BOD1L1: variants seen among roughly 807,000 people sequenced by gnomAD.
BOD1L1 encodes biorientation of chromosomes in cell division protein 1-like 1.
BOD1L1 carries 86 observed loss-of-function variants against 240.7 expected under a neutral mutation model. The ratio of observed to expected loss-of-function variants is 0.36; its 90% CI spans 0.30 to 0.43. The LOEUF is 0.43. Among genes scored for constraint, BOD1L1 ranks in the 20% least tolerant of loss-of-function variants. The pLI is 1.00. For synonymous variants in BOD1L1, 1,268 were observed against 1,272.3 expected, an observed-to-expected ratio of 1.00 and a Z score of 0.07; for missense variants, 3,554 against 3,643.5, an observed-to-expected ratio of 0.98 and a Z score of 0.63.
At chr4:13,588,608 A>T in intron 15 of BOD1L1, 114 bp downstream of exon 15, 1 of 777,528 alleles carries the variant, frequency 1.3e-6, no homozygotes, top group Non-Finnish European at 2.0e-6. Flanking sequence ...CTCTCAGTAT[A>T]CCCATTTAAT....
intron 1 of BOD1L1, chr4:13,625,133 T>C (rs1011766227): frequency 5.3e-5 from 8 of 152,228 alleles, no homozygotes; most frequent in Non-Finnish European, 1.2e-4. Context: ...AGAAACCTTG[T>C]TCATATAAAC....
chr4:13,604,887 A>C lies in BOD1L1; in HGVS notation c.2013T>G (p.Thr671=). 6.2e-7 allele frequency: 1 copy of C among 1,612,704 alleles called. No homozygotes were observed. Among genetic ancestry groups the C allele is most frequent in the Non-Finnish European group, 8.5e-7 (1 of 1,179,576 alleles). The change falls in exon 10 of 26, where the codon ACT becomes ACG. Residue 671 remains threonine, a synonymous_variant. Transcript: ENST00000040738. ...CTTGCCTTTTTACATCTCTTGTGTC[A>C]GTCTCTTCCTGTACCCCCTCCATGA... ...PVIMEGVQEE[T]DTRDVKRQVE...
At position 13,608,604 on chromosome 4, in the gene BOD1L1, A is replaced by G; in HGVS notation, c.1668T>C (p.Ile556=). Residue 556 remains isoleucine (I), a synonymous_variant, in exon 8 of 26, where the codon ATT becomes ATC. Coordinates refer to ENST00000040738, the MANE Select transcript of BOD1L1 (RefSeq NM_148894.3). ...TKSLEPKAAR[I]KEVLKERKVL... ...CTTTCCGTTCTTTAAGGACTTCTTT[A>G]ATTCTGGCGGCTTTAGGTTCCAAAC... The G allele has an allele frequency of 6.4e-7, 1 of 1,560,602 alleles. No homozygotes were observed. The highest frequency in any genetic ancestry group is 8.7e-7 in the Non-Finnish European group (1 of 1,154,074).
Position 13,600,040 on chromosome 4 carries a change from A to G in BOD1L1, c.6860T>C (p.Met2287Thr), listed in dbSNP as rs1714978341. Residue 2287 changes from methionine to threonine, a missense_variant, in exon 10 of 26, where the codon ATG becomes ACG. By Grantham distance (81) the Met-to-Thr change is moderately conservative (BLOSUM62 -1). This residue lies in a region of BOD1L1 where 3,393 missense variants were observed against 3,427.1 expected (regional missense o/e 0.99). Coordinates refer to ENST00000040738, the MANE Select transcript of BOD1L1 (RefSeq NM_148894.3). ...TGTGGAAATCATGGCGGTGTCACCC[A>G]TCTCTTCCGCTGGTGTGACTGAGGG... Reference protein sequence around the residue: ...GDPSVTPAEEMGDTAMISTST... With the variant: ...GDPSVTPAEETGDTAMISTST... The G allele has an allele frequency of 6.2e-7, 1 of 1,609,966 alleles. No homozygotes were observed. Among genetic ancestry groups the G allele is most frequent in the African/African-American group, 1.3e-5 (1 of 74,788 alleles).
chr4:13,622,116 C>T (rs556089271), intron 1 of BOD1L1, among the ~76,000 whole-genome samples: 3 of 152,190 alleles, frequency 2.0e-5, no homozygotes, highest in African/African-American at 4.8e-5. Context: ...CCACCTTTCT[C>T]GGCCTCCCAA....
rs142241899 is a variant in BOD1L1, at chr4:13,599,127, A to G, written c.7773T>C (p.Ser2591=). 5 of 1,613,702 alleles carry G rather than the reference A, an allele frequency of 3.1e-6. No individual in the cohort carries two copies. In the African/African-American group the frequency reaches 6.7e-5, roughly 22 times the overall value. The change falls in exon 10 of 26, where the codon AGT becomes AGC. Residue 2591 remains serine (S), a synonymous_variant. Transcript: ENST00000040738. ...CACATTTAGGAGCCAACAGAGCTAC[A>G]CTGTAAGTAGCTGGAGGGATCATTG... ...SHTMIPPATY[S]VALLAPKCEQ...
chr4:13,579,794 A>C, intron 22 of BOD1L1, 134 bp downstream of exon 22: 1 of 648,340 alleles, frequency 1.5e-6, no homozygotes, highest in Non-Finnish European at 2.7e-6. Flanking sequence ...TCCCAGATAC[A>C]AGGACAATTA....
rs565946954 is a variant in BOD1L1, at chr4:13,602,310, T to C, written c.4590A>G (p.Leu1530=). The C allele has an allele frequency of 2.5e-6, 4 of 1,614,010 alleles. No individual in the cohort carries two copies. The East Asian group carries it at 6.7e-5, about 27-fold the overall frequency. Reference sequence around the variant, plus strand: ...TGGCAGGCCCAGCCTTCACTGGACTTAAGGTGACATCTTTGTCCTTCCCTT... The same window carrying C: ...TGGCAGGCCCAGCCTTCACTGGACTCAAGGTGACATCTTTGTCCTTCCCTT... ...STEGKDKDVT[L]SPVKAGPATT... is the part of the protein sequence containing the mutation. Residue 1530 remains leucine (L), a synonymous_variant, in exon 10 of 26, where the codon TTA becomes TTG. Transcript: ENST00000040738.
At position 13,570,054 on chromosome 4, in the gene BOD1L1, T is replaced by G; in HGVS notation, c.9113A>C (p.Gln3038Pro). The G allele has an allele frequency of 6.2e-7, 1 of 1,606,952 alleles. No individual in the cohort carries two copies. Among genetic ancestry groups the G allele is most frequent in the Non-Finnish European group, 8.5e-7 (1 of 1,177,052 alleles). Residue 3038 changes from glutamine (Q) to proline (P), a missense_variant, in exon 26 of 26, where the codon CAG (glutamine) becomes CCG (proline). Gln to Pro is a moderately conservative substitution (Grantham distance 76). This residue lies in a region of BOD1L1 where 3,393 missense variants were observed against 3,427.1 expected (regional missense o/e 0.99). Coordinates refer to ENST00000040738, the MANE Select transcript of BOD1L1 (RefSeq NM_148894.3). Reference sequence around the variant, plus strand: ...CACAGGGGCTTCCTCCACCCTTTGCTGGCCTCTTGTTCGGGCCCCAGGAGG... The same window carrying G: ...CACAGGGGCTTCCTCCACCCTTTGCGGGCCTCTTGTTCGGGCCCCAGGAGG... ...VSPPGARTRG[Q>P]QRVEEAPVKK...
rs115880657 is a variant in BOD1L1 at position 13,593,737 on chromosome 4, G to A, written c.8105-1771C>T. On this transcript the variant is annotated intron_variant, in intron 12 of 25. Transcript: ENST00000040738. ...AGTCATTTCCATGTTGATTTCCCTAGTACTCACAGGTAGCAGACTTGATGT... is the reference window on the plus strand; with the variant it reads ...AGTCATTTCCATGTTGATTTCCCTAATACTCACAGGTAGCAGACTTGATGT... Among the ~76,000 whole-genome samples, 703 of 152,166 alleles carry A rather than the reference G, an allele frequency of 4.6e-3. 6 individuals carry two copies. The highest frequency in any genetic ancestry group is 0.016 in the African/African-American group (665 of 41,508).
At chr4:13,609,989 C>G (rs1414821982) in intron 6 of BOD1L1, among the ~76,000 whole-genome samples, 1 of 152,122 alleles carries the variant, frequency 6.6e-6, no homozygotes, top group African/African-American at 2.4e-5. Context: ...AAATCCTAAG[C>G]AGGTGCATAA....
Position 13,613,439 on chromosome 4 carries a change from G to T in BOD1L1, c.1324+73C>A. ...GCTACTATACCACACTGTTTCTCAG[G>T]ATATAGCCATCAGAATATACAAATA... On this transcript the variant is annotated intron_variant, in intron 5 of 25. Coordinates refer to ENST00000040738, the MANE Select transcript of BOD1L1 (RefSeq NM_148894.3). The surrounding 1 kb of genome is among the most constrained non-coding windows in gnomAD (Gnocchi z 4.0). 1 of 1,377,596 alleles carries T rather than the reference G, an allele frequency of 7.3e-7. No individual in the cohort carries two copies. The highest frequency in any genetic ancestry group is 1.0e-6 in the Non-Finnish European group (1 of 1,002,942). The allele number at this position is 1,377,596 out of a possible 1,614,324, so 85.3% of individuals were successfully genotyped here.
chr4:13,615,248 C>A, intron 3 of BOD1L1, 64 bp downstream of exon 3: 2 of 1,429,134 alleles, frequency 1.4e-6, no homozygotes, highest in Non-Finnish European at 1.9e-6. Context: ...GCCAAGTATC[C>A]CTAACTTGAT....
At position 13,627,683 on chromosome 4, in the gene BOD1L1, G is replaced by A; in HGVS notation, c.-96C>T. The stretch of plus-strand genomic sequence containing the variant: ...CCCGCCGCCTGAGGGAAGCCAACGG[G>A]ATGTTGTTACGGAACCAGCGGATCC... On this transcript the variant is annotated 5_prime_UTR_variant, in exon 1 of 26. Transcript: ENST00000040738. 1.0e-6 allele frequency: 1 copy of A among 992,266 alleles called. No individual in the cohort carries two copies. Among genetic ancestry groups the A allele is most frequent in the Non-Finnish European group, 1.2e-6 (1 of 830,690 alleles). The allele number at this position is 992,266 out of a possible 1,614,324, so 61.5% of individuals were successfully genotyped here. A position where few individuals can be genotyped will look rare whatever the true frequency, so the allele number is the denominator to read the frequency against.
intron 25 of BOD1L1, among the ~76,000 whole-genome samples, chr4:13,575,102 G>A (rs1424467895): frequency 1.3e-5 from 2 of 151,830 alleles, no homozygotes; most frequent in Non-Finnish European, 2.9e-5. Flanking sequence ...TATATTTTTA[G>A]TAGAGATGGG....
intron 2 of BOD1L1, among the ~76,000 whole-genome samples, chr4:13,619,731 T>C (rs1716902923): frequency 6.6e-6 from 1 of 152,196 alleles, no homozygotes; most frequent in Non-Finnish European, 1.5e-5. Context: ...CAAAGGTCTA[T>C]AGGAACAATC....
At position 13,610,967 on chromosome 4, in the gene BOD1L1, A is replaced by G; in HGVS notation, c.1458T>C (p.Asp486=). The G allele has an allele frequency of 1.9e-6, 3 of 1,610,786 alleles. No homozygotes were observed. Among genetic ancestry groups the G allele is most frequent in the Non-Finnish European group, 2.5e-6 (3 of 1,178,838 alleles). Residue 486 remains aspartate, a synonymous_variant, in exon 6 of 26, where the codon GAT becomes GAC. Coordinates refer to ENST00000040738, the MANE Select transcript of BOD1L1 (RefSeq NM_148894.3). ...LYSKYYSDSD[D]ELTVEQRRQS... is the part of the protein sequence containing the mutation. ...GTCGTCGTTGTTCTACAGTAAGCTC[A>G]TCATCAGAATCACTATAGTATTTTG...
rs1229518824 is a variant in BOD1L1 at position 13,588,713 on chromosome 4, A to G, written c.8280+9T>C. 1 of 1,584,856 alleles carries G rather than the reference A, an allele frequency of 6.3e-7. No individual in the cohort carries two copies. The highest frequency in any genetic ancestry group is 8.6e-7 in the Non-Finnish European group (1 of 1,165,446). On this transcript the variant is annotated intron_variant, in intron 15 of 25. Transcript: ENST00000040738. ...AAAATATCAAACACTTGAGTTTATT[A>G]AAATGCACCTCTTTAGGATCTGCTT...
At chr4:13,584,441 A>AGT (rs36096107) in intron 17 of BOD1L1, among the ~76,000 whole-genome samples, 41,544 of 134,596 alleles carry the variant, frequency 0.31, 6,601 homozygotes, top group East Asian at 0.56. Flanking sequence ...AGAGAGAGAG[A>AGT]GTGTGTGTGT....
Sources: allele counts gnomAD v4.1 joint callset (sites outside exome capture counted in the v4.1 genomes callset), GRCh38; gene constraint gnomAD v4.1.1; regional missense constraint gnomAD v4.1.1; non-coding constraint Gnocchi (gnomAD v3.1); transcripts MANE v1.5; gene names NCBI Gene and HGNC (gene_info 2026-07-23, HGNC 2026-07-21).